The following SUGCT variants were observed in gnomAD, a reference collection of about 807,000 sequenced individuals.
SUGCT encodes the protein succinyl-CoA:glutarate-CoA transferase, also known as succinyl-CoA:glutarate CoA-transferase.
In SUGCT, 41 loss-of-function variants were observed where a neutral mutation model predicts 55.0. That is an observed-to-expected ratio of 0.74 (90% CI 0.58 to 0.97). The LOEUF (loss-of-function observed/expected upper bound fraction) is 0.97, where lower values mean the gene tolerates loss of function less well. Ranked by LOEUF, SUGCT falls within the 50% of genes least tolerant of loss-of-function variation. SUGCT has a pLI of 0.00. For synonymous variants in SUGCT, 187 were observed against 200.4 expected (o/e 0.93, Z 0.56); for missense variants, 568 against 547.8 (o/e 1.04, Z -0.37).
At chr7:40,330,689 G>A (rs1031874391) in intron 9 of SUGCT, among the ~76,000 whole-genome samples, 1 of 75,768 alleles carries the variant, frequency 1.3e-5, no homozygotes, top group Admixed American at 1.5e-4. Flanking sequence ...GGATGGGGGG[G>A]CATTTATTTA....
the SUGCT span, among the ~76,000 whole-genome samples, chr7:40,978,190 C>T: frequency 5.3e-5 from 8 of 152,154 alleles, no homozygotes; most frequent in Admixed American, 6.5e-5. Flanking sequence ...CTCACTTGCA[C>T]CCCTCTGCTC....
chr7:40,796,855 G>T (rs1265594916), intron 13 of SUGCT, among the ~76,000 whole-genome samples: 1 of 152,172 alleles, frequency 6.6e-6, no homozygotes, highest in Non-Finnish European at 1.5e-5. Context: ...CAGAAATTTG[G>T]CCCTGAGGCA....
chr7:40,582,687 G>A (rs1428136702), intron 12 of SUGCT, among the ~76,000 whole-genome samples: 1 of 152,118 alleles, frequency 6.6e-6, no homozygotes, highest in Non-Finnish European at 1.5e-5. Flanking sequence ...CAGAGCAAGT[G>A]CTCTGGCGTC....
At chr7:40,271,298 T>TC (rs1309524665) in intron 7 of SUGCT, among the ~76,000 whole-genome samples, 1 of 152,218 alleles carries the variant, frequency 6.6e-6, no homozygotes, top group Non-Finnish European at 1.5e-5. Flanking sequence ...AAATTTTTTT[T>TC]CTTTTGTAAA....
intron 9 of SUGCT, among the ~76,000 whole-genome samples, chr7:40,422,572 A>G (rs995081227): frequency 1.3e-5 from 2 of 152,018 alleles, no homozygotes; most frequent in African/African-American, 4.8e-5. Flanking sequence ...AGAATCCTAA[A>G]CTTGTAGTTT....
At chr7:40,763,164 C>A (rs1316840061) in intron 13 of SUGCT, among the ~76,000 whole-genome samples, 1 of 152,128 alleles carries the variant, frequency 6.6e-6, no homozygotes, top group Non-Finnish European at 1.5e-5. Flanking sequence ...TGGAGCTACA[C>A]CTGATAGTGT....
intron 6 of SUGCT, among the ~76,000 whole-genome samples, chr7:40,221,642 C>T (rs1788032611): frequency 6.6e-6 from 1 of 151,124 alleles, no homozygotes; most frequent in Non-Finnish European, 1.5e-5. Flanking sequence ...AGGCGTGTGC[C>T]ACCACGCCTG....
intron 12 of SUGCT, among the ~76,000 whole-genome samples, chr7:40,527,147 A>G (rs1198087916): frequency 6.6e-6 from 1 of 152,188 alleles, no homozygotes; most frequent in East Asian, 1.9e-4. Context: ...TTAAGTCTTT[A>G]TGATCTAAAT....
intron 12 of SUGCT, among the ~76,000 whole-genome samples, chr7:40,508,045 C>A (rs939596201): frequency 6.6e-6 from 1 of 152,178 alleles, no homozygotes; most frequent in African/African-American, 2.4e-5. Flanking sequence ...AGGATAGCCT[C>A]CTCAGGCAGA....
chr7:40,305,448 T>C (rs1012525325), intron 8 of SUGCT, among the ~76,000 whole-genome samples: 4 of 152,148 alleles, frequency 2.6e-5, no homozygotes, highest in African/African-American at 9.7e-5. Context: ...ATCAGACAAA[T>C]CCTTTGCTTC....
At chr7:40,322,233 TTGTG>T (rs1795794713) in intron 9 of SUGCT, among the ~76,000 whole-genome samples, 1 of 152,138 alleles carries the variant, frequency 6.6e-6, no homozygotes, top group African/African-American at 2.4e-5. Flanking sequence ...TCTCCCCATC[TTGTG>T]TCTCTCTCTC....
chr7:40,965,357 TA>T, the SUGCT span: 7 of 152,400 alleles, frequency 4.6e-5, no homozygotes, highest in African/African-American at 1.7e-4. Context: ...TGGGCCTGTG[TA>T]TTTGCATCCT....
intron 9 of SUGCT, among the ~76,000 whole-genome samples, chr7:40,405,635 C>T (rs1355766414): frequency 1.3e-5 from 2 of 151,956 alleles, no homozygotes; most frequent in African/African-American, 4.8e-5. Flanking sequence ...CATGGCAAAA[C>T]CCTGTCTCTA....
At chr7:40,672,861 GTGTACAATT>G (rs1802011060) in intron 12 of SUGCT, among the ~76,000 whole-genome samples, 1 of 152,108 alleles carries the variant, frequency 6.6e-6, no homozygotes, top group Non-Finnish European at 1.5e-5. Flanking sequence ...TCCTTTTCGT[GTGTACAATT>G]TGATGAGTTT....
chr7:40,996,698 G>A, the SUGCT span, among the ~76,000 whole-genome samples: 48 of 152,290 alleles, frequency 3.2e-4, no homozygotes, highest in South Asian at 5.2e-3. Flanking sequence ...TAACAAGCAG[G>A]TTGAGGTTTC....
intron 12 of SUGCT, among the ~76,000 whole-genome samples, chr7:40,517,403 G>A (rs1359256665): frequency 2.0e-5 from 3 of 151,942 alleles, no homozygotes; most frequent in African/African-American, 7.2e-5. Flanking sequence ...ATTGGTGAGA[G>A]CAAATATCCT....
intron 1 of SUGCT, among the ~76,000 whole-genome samples, chr7:40,157,193 C>T (rs1446442558): frequency 1.3e-5 from 2 of 152,040 alleles, no homozygotes; most frequent in African/African-American, 4.8e-5. Context: ...GCTTATCTTA[C>T]CTTCTCCTGG....
At chr7:40,745,843 A>G (rs1002134637) in intron 12 of SUGCT, among the ~76,000 whole-genome samples, 1 of 152,232 alleles carries the variant, frequency 6.6e-6, no homozygotes, top group South Asian at 2.1e-4. Context: ...GGCCAGACCT[A>G]GCACCAAGGC....
intron 9 of SUGCT, among the ~76,000 whole-genome samples, chr7:40,320,871 T>C (rs1424735905): frequency 2.0e-5 from 3 of 152,178 alleles, no homozygotes; most frequent in Non-Finnish European, 4.4e-5. Context: ...GCCTGGGCTT[T>C]TAGTGCAGTC....
Sources: allele counts gnomAD v4.1 joint callset (sites outside exome capture counted in the v4.1 genomes callset), GRCh38; gene constraint gnomAD v4.1.1; transcripts MANE v1.5; gene names NCBI Gene and HGNC (gene_info 2026-07-23, HGNC 2026-07-21).